NFYB: variants seen among roughly 807,000 people sequenced by gnomAD.
NFYB encodes CAAT box DNA-binding protein subunit B.
A neutral mutation model predicts 28.0 loss-of-function variants in NFYB; 13 were observed. The ratio of observed to expected loss-of-function variants is 0.46; its 90% CI spans 0.30 to 0.74. NFYB has a LOEUF of 0.74. Among genes scored for constraint, NFYB ranks in the 30% least tolerant of loss-of-function variants. NFYB has a pLI of 0.07. For missense variants in NFYB, 142 were observed against 247.6 expected (o/e 0.57, Z 2.86); for synonymous variants, 74 against 75.0 (o/e 0.99, Z 0.07).
chr12:104,120,098 C>T (rs1440081198), intron 7 of NFYB, among the ~76,000 whole-genome samples: 7 of 151,866 alleles, frequency 4.6e-5, no homozygotes, highest in African/African-American at 1.5e-4. Flanking sequence ...CTCTATTGCC[C>T]AGGCTGGAGT....
At chr12:104,137,333 A>G (rs2031139684) in intron 1 of NFYB, 1 of 152,180 alleles carries the variant, frequency 6.6e-6, no homozygotes, top group Non-Finnish European at 1.5e-5. Flanking sequence ...TCCCACCACT[A>G]ATGATTAAAA....
At chr12:104,122,509 C>T (rs2030515575) in intron 5 of NFYB, among the ~76,000 whole-genome samples, 1 of 152,186 alleles carries the variant, frequency 6.6e-6, no homozygotes, top group Non-Finnish European at 1.5e-5. Flanking sequence ...TCCAGCATTA[C>T]CACCTGAGCT....
intron 2 of NFYB, among the ~76,000 whole-genome samples, chr12:104,129,695 A>C (rs962015289): frequency 6.6e-6 from 1 of 152,180 alleles, no homozygotes; most frequent in African/African-American, 2.4e-5. Flanking sequence ...CCTGGGCAAC[A>C]CAGTGAGACC....
chr12:104,126,087 C>T (rs757458095), intron 4 of NFYB, 27 bp downstream of exon 4: 4 of 1,545,992 alleles, frequency 2.6e-6, no homozygotes, highest in Non-Finnish European at 3.5e-6. Flanking sequence ...CTTGAAAAAA[C>T]CTAGTTAAAT....
chr12:104,121,326 G>C lies in NFYB; in HGVS notation c.430-5C>G, dbSNP rs1188862893. The C allele has an allele frequency of 6.3e-7, 1 of 1,595,792 alleles. No individual in the cohort carries two copies. Among genetic ancestry groups the C allele is most frequent in the Admixed American group, 1.8e-5 (1 of 56,022 alleles). On this transcript the variant is annotated splice_region_variant and splice_polypyrimidine_tract_variant and intron_variant, in intron 5 of 7. Transcript: ENST00000240055. ...TCCCTTTTCTCCTTTCATAGCCTGA[G>C]GAAGGAAAAAAAAAAAGTCACTGAT...
chr12:104,131,775 T>A (rs1037804470), intron 2 of NFYB: 25 of 455,958 alleles, frequency 5.5e-5, no homozygotes, highest in Middle Eastern at 6.5e-4. Context: ...TATGTGCTGG[T>A]CACGTAGCTG....
intron 2 of NFYB, among the ~76,000 whole-genome samples, chr12:104,133,518 C>T (rs372584454): frequency 1.3e-5 from 2 of 152,268 alleles, no homozygotes; most frequent in South Asian, 2.1e-4. Flanking sequence ...CATTTATGAG[C>T]TCTCTTTGTG....
At chr12:104,127,420 T>C (rs1479692314) in intron 3 of NFYB, among the ~76,000 whole-genome samples, 2 of 151,506 alleles carry the variant, frequency 1.3e-5, no homozygotes, top group Non-Finnish European at 2.9e-5. Context: ...AAAAAAAAAT[T>C]AGCTGGGCAT....
chr12:104,121,098 A>G (rs1214132081), intron 6 of NFYB, 142 bp downstream of exon 6: 1 of 642,240 alleles, frequency 1.6e-6, no homozygotes, highest in African/African-American at 1.8e-5. Context: ...CTGACTTCAA[A>G]TAAAAGGGCA....
In NFYB at chr12:104,128,425, A is replaced by G. The variant is rs750701727; in HGVS notation, c.99T>C (p.Asp33=). The G allele has an allele frequency of 3.8e-6, 6 of 1,597,502 alleles. No homozygotes were observed. Among genetic ancestry groups the G allele is most frequent in the Non-Finnish European group, 5.1e-6 (6 of 1,171,406 alleles). The change falls in exon 3 of 8, where the codon GAT becomes GAC. Residue 33 remains aspartate, a splice_region_variant and synonymous_variant. Transcript: ENST00000240055. The part of the protein sequence containing the change: ...GGSHYVIQPH[D]DTEDSMNDHE... Reference sequence around the variant, plus strand: ...TGGTTCTAATTGTGGCTTGCTTACCATCATGAGGCTGTATAACATAATGAC... The same window carrying G: ...TGGTTCTAATTGTGGCTTGCTTACCGTCATGAGGCTGTATAACATAATGAC...
Position 104,121,276 on chromosome 12 carries a change from C to G in NFYB, c.475G>C (p.Asp159His). The G allele has an allele frequency of 6.2e-7, 1 of 1,612,740 alleles. No individual in the cohort carries two copies. The highest frequency in any genetic ancestry group is 8.5e-7 in the Non-Finnish European group (1 of 1,179,618). The change falls in exon 6 of 8, where the codon GAT becomes CAT. Residue 159 changes from aspartate (D) to histidine (H), a missense_variant. Transcript: ENST00000240055. ...KGIGGAVTAT[D>H]GLSEELTEEA... ...TCTGTAAGCTCTTCACTTAGTCCAT[C>G]TGTAGCTGTGACTGCTCCACCAATT...
chr12:104,128,664 T>TA lies in NFYB; in HGVS notation c.7-148dup, dbSNP rs201895337. On this transcript the variant is annotated intron_variant, in intron 2 of 7. Coordinates refer to ENST00000240055, the MANE Select transcript of NFYB (RefSeq NM_006166.4). ...TAAAAGAGAATTTATATTTCTTTTT[T>TA]AAAAAATTAATTATTTTTTTGAGAC... The TA allele has an allele frequency of 2.8e-3, 1,263 of 455,218 alleles. 19 individuals carry two copies. The highest frequency in any genetic ancestry group is 0.023 in the African/African-American group (1,132 of 49,122). 28.2% of individuals were successfully genotyped at this position (455,218 alleles called of 1,614,324 possible).
chr12:104,134,099 C>T (rs1335695165), intron 2 of NFYB, among the ~76,000 whole-genome samples: 4 of 152,192 alleles, frequency 2.6e-5, no homozygotes, highest in Non-Finnish European at 5.9e-5. Context: ...GGAATTCTCT[C>T]CTACTCTGAT....
intron 2 of NFYB, among the ~76,000 whole-genome samples, chr12:104,134,977 T>G (rs2031052323): frequency 1.3e-5 from 2 of 152,212 alleles, no homozygotes; most frequent in South Asian, 4.1e-4. Flanking sequence ...TAAACTTAAG[T>G]TGCCCATCCT....
intron 1 of NFYB, chr12:104,137,579 C>A (rs953599128): frequency 2.6e-5 from 4 of 152,218 alleles, no homozygotes; most frequent in African/African-American, 9.7e-5. Flanking sequence ...CTCGCCCGGC[C>A]GCCCCGGCCC....
intron 4 of NFYB, among the ~76,000 whole-genome samples, chr12:104,123,954 C>G (rs752672174): frequency 6.6e-6 from 1 of 152,016 alleles, no homozygotes; most frequent in Non-Finnish European, 1.5e-5. Flanking sequence ...AAGAGCGAGA[C>G]TCCGTCTCAA....
chr12:104,137,795 C>G (rs1026496161), intron 1 of NFYB: 1 of 147,334 alleles, frequency 6.8e-6, no homozygotes, highest in African/African-American at 2.4e-5. Context: ...CCCGGGACGC[C>G]GTCGAGAGCG....
chr12:104,135,418 T>A, intron 2 of NFYB, 30 bp downstream of exon 2: 1 of 1,575,008 alleles, frequency 6.3e-7, no homozygotes, highest in African/African-American at 1.4e-5. Flanking sequence ...TCAAATCTAA[T>A]TAACAACCAA....
At chr12:104,122,558 T>C (rs1327658954) in intron 5 of NFYB, among the ~76,000 whole-genome samples, 3 of 152,170 alleles carry the variant, frequency 2.0e-5, no homozygotes, top group Non-Finnish European at 4.4e-5. Context: ...GAGATTCTCA[T>C]AGGCGCTGGA....
Sources: gnomAD v4.1 joint callset for allele counts (sites outside exome capture counted in the v4.1 genomes callset) on GRCh38, gnomAD v4.1.1 for gene constraint, MANE v1.5 for transcripts, NCBI Gene and HGNC (gene_info 2026-07-23, HGNC 2026-07-21) for gene names.